Variants in AGPAT4 observed in about 807,000 individuals in gnomAD.
AGPAT4 encodes 1-acyl-sn-glycerol-3-phosphate acyltransferase delta.
Under a neutral mutation model 48.0 loss-of-function variants are expected in AGPAT4, and 15 were observed. The observed-to-expected ratio is 0.31, with a 90% CI of 0.21 to 0.48. The LOEUF is 0.48. Ranked by LOEUF, AGPAT4 falls within the 20% of genes least tolerant of loss-of-function variation. The pLI is 0.99. For synonymous variants in AGPAT4, 178 were observed against 198.7 expected, an observed-to-expected ratio of 0.90 and a Z score of 0.88; for missense variants, 314 against 482.5, an observed-to-expected ratio of 0.65 and a Z score of 3.27.
intron 2 of AGPAT4, among the ~76,000 whole-genome samples, chr6:161,173,695 G>T (rs1780345922): frequency 6.6e-6 from 1 of 152,174 alleles, no homozygotes; most frequent in Non-Finnish European, 1.5e-5. Context: ...ATTGCTTTTG[G>T]TGTTTTAGTC....
rs1168062810 is a variant in AGPAT4 at position 161,161,436 on chromosome 6, G to A, written c.348+4812C>T. The A allele has an allele frequency of 2.2e-6, 1 of 456,726 alleles. No individual in the cohort carries two copies. The highest frequency in any genetic ancestry group is 4.4e-6 in the Non-Finnish European group (1 of 226,984). 28.3% of individuals were successfully genotyped at this position (456,726 alleles called of 1,614,324 possible). On this transcript the variant is annotated intron_variant, in intron 3 of 8. Coordinates refer to ENST00000320285, the MANE Select transcript of AGPAT4 (RefSeq NM_020133.3). This position sits in a 1 kb window ranked among gnomAD's most constrained non-coding sequence, Gnocchi z 4.6. ...GCACACTTGCCAAACCCAGTGAATG[G>A]TAAGAGGCAGAGGGTGGCGTCCCAG...
chr6:161,176,911 G>A (rs1032683723), intron 2 of AGPAT4, among the ~76,000 whole-genome samples: 52 of 152,202 alleles, frequency 3.4e-4, no homozygotes, highest in South Asian at 6.2e-4. Context: ...AGCTTAGTTT[G>A]GCTGGATATG....
At chr6:161,230,148 A>G (rs765090642) in intron 2 of AGPAT4, among the ~76,000 whole-genome samples, 4 of 152,236 alleles carry the variant, frequency 2.6e-5, no homozygotes, top group Non-Finnish European at 5.9e-5. Flanking sequence ...TGAGAAAAAT[A>G]TCTCCACAAT....
In AGPAT4 at chr6:161,189,721, T is replaced by A. The variant is rs1485511100; in HGVS notation, c.179-23304A>T. Among the ~76,000 whole-genome samples the A allele has an allele frequency of 2.0e-5, 3 of 152,014 alleles. No individual in the cohort carries two copies. The highest frequency in any genetic ancestry group is 7.2e-5 in the African/African-American group (3 of 41,406). On this transcript the variant is annotated intron_variant, in intron 2 of 8. Transcript: ENST00000320285. The surrounding 1 kb of genome is among the most constrained non-coding windows in gnomAD (Gnocchi z 5.3). ...CACCTCACTGTCTCCACCTGCCCCT[T>A]CCTCACCCACCGCCCTCCTAACCCC...
intron 2 of AGPAT4, among the ~76,000 whole-genome samples, chr6:161,181,766 C>T (rs989475547): frequency 1.3e-5 from 2 of 152,182 alleles, no homozygotes; most frequent in East Asian, 1.9e-4. Context: ...CTCACACGTC[C>T]GCACCATCAG....
At chr6:161,152,921 G>A (rs1779634013) in intron 5 of AGPAT4, among the ~76,000 whole-genome samples, 1 of 152,226 alleles carries the variant, frequency 6.6e-6, no homozygotes, top group Non-Finnish European at 1.5e-5. Flanking sequence ...CTTACCGATG[G>A]CCATTTAGGG....
At chr6:161,250,926 T>C (rs553045514) in intron 1 of AGPAT4, among the ~76,000 whole-genome samples, 1 of 152,332 alleles carries the variant, frequency 6.6e-6, no homozygotes, top group Non-Finnish European at 1.5e-5. Context: ...GACTTTTTTA[T>C]TGATTGTGCC....
In AGPAT4 at chr6:161,186,964, G is replaced by A. The variant is rs181662187; in HGVS notation, c.179-20547C>T. 4.6e-5 allele frequency among the ~76,000 whole-genome samples: 7 copies of A among 152,050 alleles called. No homozygotes were observed. In the East Asian group the frequency reaches 1.2e-3, roughly 25 times the overall value. The stretch of plus-strand genomic sequence containing the variant: ...TAGGAGTAGTCTCTCTCTTCAACTC[G>A]CCTGAATCCCCCACGAGGGACACAG... On this transcript the variant is annotated intron_variant, in intron 2 of 8. Transcript: ENST00000320285.
Position 161,130,262 on chromosome 6 carries a change from A to G in AGPAT4, c.*6278T>C, listed in dbSNP as rs998240821. The G allele has an allele frequency of 1.3e-5, 2 of 152,320 alleles. No homozygotes were observed. The highest frequency in any genetic ancestry group is 2.9e-5 in the Non-Finnish European group (2 of 68,270). The allele number at this position is 152,320 out of a possible 1,614,324, so 9.4% of individuals were successfully genotyped here. On this transcript the variant is annotated 3_prime_UTR_variant, in exon 9 of 9. Coordinates refer to ENST00000320285, the MANE Select transcript of AGPAT4 (RefSeq NM_020133.3). ...TGTCCAATACCTTGCTCTAATTCCAATTCATTCGTTCTCATAACTTATTTG... is the reference window on the plus strand; with the variant it reads ...TGTCCAATACCTTGCTCTAATTCCAGTTCATTCGTTCTCATAACTTATTTG...
At chr6:161,192,009 C>G (rs1053018353) in intron 2 of AGPAT4, among the ~76,000 whole-genome samples, 2 of 149,554 alleles carry the variant, frequency 1.3e-5, no homozygotes, top group Non-Finnish European at 3.0e-5. Context: ...CTTGGATTTA[C>G]AAGGATTGTC....
Position 161,147,685 on chromosome 6 carries a change from A to T in AGPAT4, c.768-1086T>A, listed in dbSNP as rs971097064. ...TCTTTCACCTTTTCTGTTCCTACGC[A>T]CACTGCACTTCTCTGGATCCTCTAC... On this transcript the variant is annotated intron_variant, in intron 6 of 8. Coordinates refer to ENST00000320285, the MANE Select transcript of AGPAT4 (RefSeq NM_020133.3). The surrounding 1 kb of genome is among the most constrained non-coding windows in gnomAD (Gnocchi z 4.8). Among the ~76,000 whole-genome samples the T allele has an allele frequency of 6.6e-6, 1 of 152,166 alleles. No individual in the cohort carries two copies. Among genetic ancestry groups the T allele is most frequent in the Non-Finnish European group, 1.5e-5 (1 of 68,032 alleles).
At chr6:161,182,602 G>A (rs1475684070) in intron 2 of AGPAT4, among the ~76,000 whole-genome samples, 1 of 152,246 alleles carries the variant, frequency 6.6e-6, no homozygotes, top group Admixed American at 6.5e-5. Context: ...AGGGAGTGAA[G>A]GAACCAGCTC....
intron 1 of AGPAT4, among the ~76,000 whole-genome samples, chr6:161,257,446 G>T (rs1782973531): frequency 6.6e-6 from 1 of 152,154 alleles, no homozygotes; most frequent in South Asian, 2.1e-4. Context: ...GGATCCTGTG[G>T]GCATGAGGAG....
rs1782130933 is a variant in AGPAT4 at position 161,231,797 on chromosome 6, T to C, written c.178+239A>G. On this transcript the variant is annotated intron_variant, in intron 2 of 8. Transcript: ENST00000320285. The surrounding 1 kb of genome is among the most constrained non-coding windows in gnomAD (Gnocchi z 5.3). ...GAACTAAAGAAACTAATGGAATGCGTATTTACTTTTCATAGTATACCTGTC... is the reference window on the plus strand; with the variant it reads ...GAACTAAAGAAACTAATGGAATGCGCATTTACTTTTCATAGTATACCTGTC... Among the ~76,000 whole-genome samples, 1 of 152,196 alleles carries C rather than the reference T, an allele frequency of 6.6e-6. No individual in the cohort carries two copies. The highest frequency in any genetic ancestry group is 6.5e-5 in the Admixed American group (1 of 15,280).
intron 2 of AGPAT4, among the ~76,000 whole-genome samples, chr6:161,194,564 G>A: frequency 6.7e-6 from 1 of 148,648 alleles, no homozygotes; most frequent in Non-Finnish European, 1.5e-5. Context: ...GTGCATGTGT[G>A]TATGTGTATG....
In AGPAT4 at chr6:161,270,323, C is replaced by A. The variant is rs762971110; in HGVS notation, c.-90+3615G>T. On this transcript the variant is annotated intron_variant, in intron 1 of 8. Transcript: ENST00000320285. The surrounding 1 kb of genome is among the most constrained non-coding windows in gnomAD (Gnocchi z 5.3). Reference sequence around the variant, plus strand: ...ATGAAGCCAGGTTTCAGAGTTCCAGCGCTTCCTTTCCAAACTGATTCTCAC... The same window carrying A: ...ATGAAGCCAGGTTTCAGAGTTCCAGAGCTTCCTTTCCAAACTGATTCTCAC... 6.6e-6 allele frequency among the ~76,000 whole-genome samples: 1 copy of A among 152,194 alleles called. No individual in the cohort carries two copies. The highest frequency in any genetic ancestry group is 1.5e-5 in the Non-Finnish European group (1 of 68,044).
intron 1 of AGPAT4, among the ~76,000 whole-genome samples, chr6:161,248,611 C>G (rs923643142): frequency 6.9e-6 from 1 of 145,938 alleles, no homozygotes. Context: ...ATACAGCTAA[C>G]CAGGGAAGTG....
In AGPAT4 at chr6:161,226,602, T is replaced by C. The variant is rs2115031811; in HGVS notation, c.178+5434A>G. ...AACATCAGGAAGCTGCCGCCCTCCA[T>C]CTTCTCTCACTTCTCAGAGAGTCAG... On this transcript the variant is annotated intron_variant, in intron 2 of 8. Transcript: ENST00000320285. This position sits in a 1 kb window ranked among gnomAD's most constrained non-coding sequence, Gnocchi z 6.3. Among the ~76,000 whole-genome samples, 1 of 152,316 alleles carries C rather than the reference T, an allele frequency of 6.6e-6. No individual in the cohort carries two copies. Among genetic ancestry groups the C allele is most frequent in the Non-Finnish European group, 1.5e-5 (1 of 68,020 alleles).
intron 2 of AGPAT4, among the ~76,000 whole-genome samples, chr6:161,179,252 G>A (rs1780516033): frequency 6.6e-6 from 1 of 152,212 alleles, no homozygotes; most frequent in Non-Finnish European, 1.5e-5. Flanking sequence ...CCAGAGTTAG[G>A]ACGTGTGTGG....
Sources: allele counts gnomAD v4.1 joint callset (sites outside exome capture counted in the v4.1 genomes callset), GRCh38; gene constraint gnomAD v4.1.1; non-coding constraint Gnocchi (gnomAD v3.1); transcripts MANE v1.5; gene names NCBI Gene and HGNC (gene_info 2026-07-23, HGNC 2026-07-21).